The following TBX5 variants were observed in gnomAD, a reference collection of about 807,000 sequenced individuals.
The protein encoded by TBX5 is T-box transcription factor 5, also known as T-box transcription factor TBX5.
Under a neutral mutation model 51.1 loss-of-function variants are expected in TBX5, and 8 were observed. That is an observed-to-expected ratio of 0.16 (90% CI 0.09 to 0.28). The LOEUF (loss-of-function observed/expected upper bound fraction) is 0.28. Ranked by LOEUF, TBX5 falls within the 10% of genes least tolerant of loss-of-function variation. TBX5 has a pLI of 1.00. For missense variants in TBX5, 589 were observed against 671.7 expected (o/e 0.88, Z 1.36); for synonymous variants, 302 against 266.4 (o/e 1.13, Z -1.30).
rs1270434560 is a variant in TBX5 at position 114,355,348 on chromosome 12, A to G, written c.*184T>C. On this transcript the variant is annotated 3_prime_UTR_variant, in exon 9 of 9. Transcript: ENST00000405440. ...ACAAAACAAGAAAGTCACATTTTTA[A>G]AATTGTGGTTTCAAGCTACTGATTA... The G allele has an allele frequency of 2.6e-6, 2 of 782,408 alleles. No homozygotes were observed. Among genetic ancestry groups the G allele is most frequent in the South Asian group, 1.5e-5 (1 of 68,086 alleles). The allele number at this position is 782,408 out of a possible 1,614,324, so 48.5% of individuals were successfully genotyped here.
intron 6 of TBX5, among the ~76,000 whole-genome samples, chr12:114,386,961 C>T (rs1870850178): frequency 6.6e-6 from 1 of 151,640 alleles, no homozygotes; most frequent in African/African-American, 2.4e-5. Flanking sequence ...AAAAAAATAG[C>T]CTGGCATGAT....
Position 114,401,811 on chromosome 12 carries a change from A to G in TBX5, c.242+15T>C, listed in dbSNP as rs1871829122. ...TTTCTCCTCGTCCCTCTCTCTACAC[A>G]ACAAACCATCTCACCTTCCAGCCTT... On this transcript the variant is annotated intron_variant, in intron 3 of 8. Coordinates refer to ENST00000405440, the MANE Select transcript of TBX5 (RefSeq NM_181486.4). 6.2e-7 allele frequency: 1 copy of G among 1,613,362 alleles called. No homozygotes were observed. Among genetic ancestry groups the G allele is most frequent in the Admixed American group, 1.7e-5 (1 of 59,992 alleles).
chr12:114,390,403 T>A (rs1871090100), intron 6 of TBX5, among the ~76,000 whole-genome samples: 1 of 152,262 alleles, frequency 6.6e-6, no homozygotes, highest in African/African-American at 2.4e-5. Flanking sequence ...CATGCAAATG[T>A]ACTCCCTTCA....
At chr12:114,377,289 C>T (rs1870246076) in intron 7 of TBX5, among the ~76,000 whole-genome samples, 2 of 152,080 alleles carry the variant, frequency 1.3e-5, no homozygotes. Flanking sequence ...AGGTTAAGAG[C>T]TGAAAATTAA....
At position 114,405,596 on chromosome 12, in the gene TBX5, G is replaced by C. The variant is rs190305527; in HGVS notation, c.-39+32C>G. 86 of 678,376 alleles carry C rather than the reference G, an allele frequency of 1.3e-4. No individual in the cohort carries two copies. In the African/African-American group the frequency reaches 1.4e-3, roughly 11 times the overall value. 42.0% of individuals were successfully genotyped at this position (678,376 alleles called of 1,614,324 possible). A position where few individuals can be genotyped will look rare whatever the true frequency, so the allele number is the denominator to read the frequency against. On this transcript the variant is annotated intron_variant, in intron 1 of 8. Transcript: ENST00000405440. ...CGACTCGGCCGACGAGCTCCCTCCT[G>C]AGCCTCCCGGGCCATCTGCCGGGAC...
At chr12:114,403,331 G>A (rs1188376039) in intron 2 of TBX5, among the ~76,000 whole-genome samples, 8 of 152,222 alleles carry the variant, frequency 5.3e-5, no homozygotes, top group African/African-American at 1.7e-4. Context: ...CAGAAGAGGG[G>A]TCAAGCCATC....
intron 7 of TBX5, among the ~76,000 whole-genome samples, chr12:114,380,945 T>C (rs1378376964): frequency 6.6e-6 from 1 of 152,144 alleles, no homozygotes; most frequent in Admixed American, 6.5e-5. Context: ...ACAGATTGAT[T>C]AACCTTTCTA....
chr12:114,399,695 C>A, intron 3 of TBX5, 63 bp from the exon 4 acceptor site: 2 of 1,612,260 alleles, frequency 1.2e-6, no homozygotes, highest in East Asian at 2.2e-5. Context: ...TTAAGGCAGC[C>A]TCCATCCATT....
At chr12:114,400,551 T>C (rs1413028641) in intron 3 of TBX5, among the ~76,000 whole-genome samples, 2 of 152,210 alleles carry the variant, frequency 1.3e-5, no homozygotes, top group Non-Finnish European at 2.9e-5. Flanking sequence ...CACTCAGCGA[T>C]GGCGGGAACG....
intron 7 of TBX5, among the ~76,000 whole-genome samples, chr12:114,384,745 A>ACACACACACACACAC (rs10629159): frequency 8.7e-6 from 1 of 115,170 alleles, no homozygotes; most frequent in African/African-American, 3.4e-5. Flanking sequence ...ACACACACAC[A>ACACACACACACACAC]ACACACACAC....
chr12:114,370,308 A>G (rs888104112), intron 7 of TBX5, among the ~76,000 whole-genome samples: 21 of 147,518 alleles, frequency 1.4e-4, no homozygotes, highest in African/African-American at 4.7e-4. Flanking sequence ...AAAAGAAAAG[A>G]AAAGAAAGAA....
intron 6 of TBX5, among the ~76,000 whole-genome samples, chr12:114,392,706 G>A (rs1440187809): frequency 9.2e-6 from 1 of 108,252 alleles, no homozygotes; most frequent in Non-Finnish European, 1.9e-5. Flanking sequence ...AGGAAGAATT[G>A]AGCTTCCTTA....
chr12:114,385,204 G>A (rs1387717512), intron 7 of TBX5, among the ~76,000 whole-genome samples: 2 of 152,066 alleles, frequency 1.3e-5, no homozygotes, highest in African/African-American at 4.8e-5. Flanking sequence ...AGAGAAAGCT[G>A]TGCCTTTTGT....
intron 7 of TBX5, among the ~76,000 whole-genome samples, chr12:114,381,485 A>G (rs530551567): frequency 1.2e-4 from 18 of 152,200 alleles, no homozygotes; most frequent in Non-Finnish European, 1.2e-4. Context: ...ATTCTGAACA[A>G]GGGCAAAATT....
At chr12:114,396,762 G>T (rs1171340464) in intron 5 of TBX5, among the ~76,000 whole-genome samples, 1 of 152,134 alleles carries the variant, frequency 6.6e-6, no homozygotes, top group Admixed American at 6.5e-5. Flanking sequence ...CTTTAGAAAT[G>T]GCTCCGGTTT....
chr12:114,389,323 T>G (rs1162029983), intron 6 of TBX5, among the ~76,000 whole-genome samples: 2 of 152,220 alleles, frequency 1.3e-5, no homozygotes, highest in Non-Finnish European at 2.9e-5. Flanking sequence ...TTCACTTGTA[T>G]TTTAAGAGTC....
chr12:114,393,283 C>T (rs1348112065), intron 6 of TBX5, among the ~76,000 whole-genome samples: 4 of 152,100 alleles, frequency 2.6e-5, no homozygotes, highest in Non-Finnish European at 5.9e-5. Flanking sequence ...GGGAGGGGCA[C>T]ACCATCTCCA....
At chr12:114,370,390 TGTCCCA>T (rs751400241) in intron 7 of TBX5, among the ~76,000 whole-genome samples, 36 of 151,834 alleles carry the variant, frequency 2.4e-4, no homozygotes, top group Non-Finnish European at 4.7e-4. Flanking sequence ...TCAAGTGACT[TGTCCCA>T]GACCACACAG....
chr12:114,401,803 C>T, intron 3 of TBX5, 23 bp downstream of exon 3: 3 of 1,612,036 alleles, frequency 1.9e-6, no homozygotes, highest in Non-Finnish European at 8.5e-7. Flanking sequence ...TCGTCCCTCT[C>T]TCTACACAAC....
Sources: gnomAD v4.1 joint callset for allele counts (sites outside exome capture counted in the v4.1 genomes callset) on GRCh38, gnomAD v4.1.1 for gene constraint, MANE v1.5 for transcripts, NCBI Gene and HGNC (gene_info 2026-07-23, HGNC 2026-07-21) for gene names.